RNF150: variants seen among roughly 807,000 people sequenced by gnomAD.
RNF150 encodes ring finger protein 150.
Under a neutral mutation model 39.3 loss-of-function variants are expected in RNF150, and 24 were observed. The observed-to-expected ratio is 0.61, with a 90% CI of 0.44 to 0.86. The LOEUF (loss-of-function observed/expected upper bound fraction) is 0.86, where lower values mean the gene tolerates loss of function less well. Ranked by LOEUF, RNF150 falls within the 40% of genes least tolerant of loss-of-function variation. The probability of loss-of-function intolerance (pLI) is 0.00; values close to 1 mark genes in which losing one functional copy is unlikely to be tolerated. For synonymous variants in RNF150, 255 were observed against 227.3 expected, an observed-to-expected ratio of 1.12 and a Z score of -1.10; for missense variants, 502 against 587.8, an observed-to-expected ratio of 0.85 and a Z score of 1.51.
intron 1 of RNF150, among the ~76,000 whole-genome samples, chr4:140,976,679 G>A (rs988767051): frequency 2.6e-5 from 4 of 151,480 alleles, no homozygotes; most frequent in Non-Finnish European, 5.9e-5. Flanking sequence ...ACCCTCTCCT[G>A]GCCTCCCTTC....
At position 140,867,639 on chromosome 4, in the gene RNF150, C is replaced by T. The variant is rs1375219729; in HGVS notation, c.*622G>A. 1.3e-5 allele frequency: 2 copies of T among 152,242 alleles called. No individual in the cohort carries two copies. The highest frequency in any genetic ancestry group is 2.4e-5 in the African/African-American group (1 of 41,436). The allele number at this position is 152,242 out of a possible 1,614,324, so 9.4% of individuals were successfully genotyped here. A position where few individuals can be genotyped will look rare whatever the true frequency, so the allele number is the denominator to read the frequency against. On this transcript the variant is annotated 3_prime_UTR_variant, in exon 7 of 7. Transcript: ENST00000515673. ...GGCAGCTGGGGTTTTTAAAGGCCCA[C>T]TTAGAAGAACTTAGATTCTTAATGA...
intron 1 of RNF150, among the ~76,000 whole-genome samples, chr4:141,069,812 T>C (rs1017208008): frequency 7.9e-5 from 12 of 152,198 alleles, no homozygotes; most frequent in African/African-American, 2.7e-4. Context: ...TCGAGGAATG[T>C]ATCCATTTCT....
intron 1 of RNF150, among the ~76,000 whole-genome samples, chr4:141,074,814 A>G (rs895267079): frequency 2.6e-5 from 4 of 152,174 alleles, no homozygotes; most frequent in Non-Finnish European, 5.9e-5. Context: ...CTGAGAGCAA[A>G]CTAGCATATG....
At chr4:141,002,845 A>G (rs1437113156) in intron 1 of RNF150, among the ~76,000 whole-genome samples, 1 of 151,304 alleles carries the variant, frequency 6.6e-6, no homozygotes, top group Admixed American at 6.6e-5. Flanking sequence ...CCAATAATGA[A>G]GTCAGCTTTA....
intron 1 of RNF150, among the ~76,000 whole-genome samples, chr4:141,202,065 T>C (rs2111218109): frequency 6.6e-6 from 1 of 152,316 alleles, no homozygotes; most frequent in South Asian, 2.1e-4. Flanking sequence ...CTGAATCTGA[T>C]AGTACCTTGA....
intron 1 of RNF150, among the ~76,000 whole-genome samples, chr4:141,008,247 T>C (rs1014711573): frequency 1.3e-5 from 2 of 152,218 alleles, no homozygotes; most frequent in Non-Finnish European, 2.9e-5. Context: ...ATTTTTCATA[T>C]AGGGCCTAAG....
chr4:140,895,068 G>A (rs1729891319), intron 6 of RNF150, among the ~76,000 whole-genome samples: 1 of 152,110 alleles, frequency 6.6e-6, no homozygotes, highest in South Asian at 2.1e-4. Flanking sequence ...TGTGGATCCT[G>A]TTCATTAACC....
At chr4:140,948,300 G>A (rs184798158) in intron 3 of RNF150, among the ~76,000 whole-genome samples, 16 of 152,176 alleles carry the variant, frequency 1.1e-4, no homozygotes, top group South Asian at 6.2e-4. Context: ...GCCCAATGGC[G>A]TTTTTATATA....
intron 1 of RNF150, among the ~76,000 whole-genome samples, chr4:141,041,506 T>C (rs902741304): frequency 6.6e-6 from 1 of 152,078 alleles, no homozygotes; most frequent in African/African-American, 2.4e-5. Context: ...ACTATACTTC[T>C]TACACAAATA....
chr4:140,868,948 T>C (rs1399756263), intron 6 of RNF150, among the ~76,000 whole-genome samples: 1 of 152,188 alleles, frequency 6.6e-6, no homozygotes, highest in African/African-American at 2.4e-5. Flanking sequence ...TATGTAATCT[T>C]CACTCTTTAA....
chr4:141,180,804 A>G (rs1437241034), intron 1 of RNF150, among the ~76,000 whole-genome samples: 1 of 152,068 alleles, frequency 6.6e-6, no homozygotes, highest in African/African-American at 2.4e-5. Context: ...CCATTGCCCC[A>G]CTAGGGTGTT....
At chr4:140,906,271 C>T (rs1730369387) in intron 6 of RNF150, among the ~76,000 whole-genome samples, 1 of 151,816 alleles carries the variant, frequency 6.6e-6, no homozygotes, top group South Asian at 2.1e-4. Context: ...TCTGCCTGAG[C>T]CTTGGGTTAC....
rs138046402 is a variant in RNF150 at position 141,115,777 on chromosome 4, C to T, written c.484+16548G>A. 5.6e-3 allele frequency among the ~76,000 whole-genome samples: 850 copies of T among 152,202 alleles called. 48 individuals carry two copies. The East Asian group carries it at 0.11, about 21-fold the overall frequency. ...CTACAGTAACCAAAACAGCATGGTA[C>T]GGATACCAAAACAGATATATAGACC... is the stretch of plus-strand genomic sequence containing the variant. On this transcript the variant is annotated intron_variant, in intron 1 of 6. Transcript: ENST00000515673.
At chr4:141,004,558 C>T (rs1734796392) in intron 1 of RNF150, among the ~76,000 whole-genome samples, 1 of 152,162 alleles carries the variant, frequency 6.6e-6, no homozygotes, top group African/African-American at 2.4e-5. Flanking sequence ...TCTAGAAATG[C>T]AGTTGTTGGT....
At chr4:141,087,179 C>A (rs1738399635) in intron 1 of RNF150, among the ~76,000 whole-genome samples, 1 of 152,068 alleles carries the variant, frequency 6.6e-6, no homozygotes, top group African/African-American at 2.4e-5. Flanking sequence ...TCTGTTGTTG[C>A]CTTGCGTTCA....
At chr4:141,173,685 A>C (rs1300538240) in intron 1 of RNF150, among the ~76,000 whole-genome samples, 1 of 152,206 alleles carries the variant, frequency 6.6e-6, no homozygotes, top group Non-Finnish European at 1.5e-5. Flanking sequence ...AGAGCCAGCC[A>C]ACTGCCCTAC....
chr4:141,162,864 A>G (rs1727539051), intron 1 of RNF150, among the ~76,000 whole-genome samples: 1 of 152,204 alleles, frequency 6.6e-6, no homozygotes, highest in East Asian at 1.9e-4. Context: ...GGTTTCAAGC[A>G]CAAAACTGGG....
At chr4:141,137,493 G>T (rs1727045182), upstream of RNF150, among the ~76,000 whole-genome samples, 1 of 152,180 alleles carries the variant, frequency 6.6e-6, no homozygotes, top group African/African-American at 2.4e-5. Context: ...AAGAAGAGGA[G>T]CCAAGAAAGA....
intron 5 of RNF150, among the ~76,000 whole-genome samples, chr4:140,916,844 T>A (rs530908759): frequency 6.6e-6 from 1 of 152,362 alleles, no homozygotes; most frequent in South Asian, 2.1e-4. Context: ...AGCTGATCTC[T>A]TGGCAGAAAC....
Sources: gnomAD v4.1 joint callset for allele counts (sites outside exome capture counted in the v4.1 genomes callset) on GRCh38, gnomAD v4.1.1 for gene constraint, MANE v1.5 for transcripts, NCBI Gene and HGNC (gene_info 2026-07-23, HGNC 2026-07-21) for gene names.